CCNQ: variants seen among roughly 807,000 people sequenced by gnomAD.
CCNQ encodes the protein cyclin Q, also known as cyclin-Q.
Under a neutral mutation model 17.7 loss-of-function variants are expected in CCNQ, and 3 were observed. The observed-to-expected ratio is 0.17, with a 90% CI of 0.08 to 0.44. The LOEUF is 0.44. CCNQ is among the 20% of genes least tolerant of loss of function. The pLI is 0.99. For synonymous variants in CCNQ, 73 were observed against 96.0 expected (o/e 0.76, Z 1.40); for missense variants, 146 against 222.6 (o/e 0.66, Z 2.19).
At chrX:153,591,606 C>A (rs782580299) in intron 4 of CCNQ, among the ~76,000 whole-genome samples, 18 of 111,483 alleles carry the variant, frequency 1.6e-4, no homozygotes, top group African/African-American at 5.9e-4. Flanking sequence ...GTTTGCCCCC[C>A]CCAGAGTCCA....
chrX:153,598,539 G>A (rs1195753205), intron 1 of CCNQ, among the ~76,000 whole-genome samples: 3 of 113,490 alleles, frequency 2.6e-5, no homozygotes, highest in Non-Finnish European at 5.6e-5. Flanking sequence ...GCAGGGTTCG[G>A]AACAGGAGCT....
Position 153,588,185 on chromosome X carries a change from G to T in CCNQ, c.*180C>A, listed in dbSNP as rs782820779. 1.7e-5 allele frequency: 9 copies of T among 540,109 alleles called. No individual in the cohort carries two copies. The South Asian group carries it at 1.9e-4, about 11-fold the overall frequency. 44.5% of individuals were successfully genotyped at this position (540,109 alleles called of 1,213,427 possible). ...CGCGGCTCCCACCATCACCTGCACC[G>T]CGACTTCTAGGGACTGGCAAAGCGG... is the stretch of plus-strand genomic sequence containing the variant. On this transcript the variant is annotated 3_prime_UTR_variant, in exon 5 of 5. Coordinates refer to ENST00000576892, the MANE Select transcript of CCNQ (RefSeq NM_152274.5).
At chrX:153,598,597 C>G (rs1212544564) in intron 1 of CCNQ, among the ~76,000 whole-genome samples, 1 of 113,221 alleles carries the variant, frequency 8.8e-6, no homozygotes, top group Non-Finnish European at 1.9e-5. Context: ...GGACAGCGTT[C>G]TCCAAAAGGC....
At chrX:153,594,122 T>C (rs1311729510) in intron 3 of CCNQ, among the ~76,000 whole-genome samples, 1 of 113,067 alleles carries the variant, frequency 8.8e-6, no homozygotes, top group African/African-American at 3.2e-5. Flanking sequence ...GCTTTCCCCA[T>C]GGCTTCCTAA....
At chrX:153,594,469 T>C (rs1557026483) in intron 3 of CCNQ, 78 bp downstream of exon 3, 1 of 1,120,409 alleles carries the variant, frequency 8.9e-7, no homozygotes, top group Non-Finnish European at 1.2e-6. Context: ...GAGTATGAGA[T>C]GGGATGCACT....
In CCNQ at chrX:153,588,157, A is replaced by G; in HGVS notation, c.*208T>C. On this transcript the variant is annotated 3_prime_UTR_variant, in exon 5 of 5. Transcript: ENST00000576892. ...AGTACACTCCCGGCCTGCCCGCTGG[A>G]GGCGCGGCTCCCACCATCACCTGCA... is the stretch of plus-strand genomic sequence containing the variant. The G allele has an allele frequency of 1.9e-6, 1 of 521,999 alleles. No individual in the cohort carries two copies. The highest frequency in any genetic ancestry group is 3.6e-5 in the East Asian group (1 of 27,569). 43.0% of individuals were successfully genotyped at this position (521,999 alleles called of 1,213,427 possible).
At chrX:153,591,781 G>C (rs58937193) in intron 4 of CCNQ, among the ~76,000 whole-genome samples, 9,038 of 109,662 alleles carry the variant, frequency 0.082, 431 homozygotes, top group African/African-American at 0.18. Context: ...AAAGACACAT[G>C]AGCACCCGCT....
rs1476308542 is a variant in CCNQ at position 153,599,087 on chromosome X, ACCGGCGGAAGGAGAGGCGGCC to A, written c.-35_-15del. The stretch of plus-strand genomic sequence containing the variant: ...CGGGGCTTCCATGAGGCGCCGCGGC[ACCGGCGGAAGGAGAGGCGGCC>A]CCGGCGCGCAGAAGCCGGCAGAACT... On this transcript the variant is annotated 5_prime_UTR_variant, in exon 1 of 5. Transcript: ENST00000576892. The A allele has an allele frequency of 1.1e-4, 109 of 953,399 alleles. No homozygotes were observed. Among genetic ancestry groups the A allele is most frequent in the South Asian group, 7.3e-4 (25 of 34,367 alleles). The allele number at this position is 953,399 out of a possible 1,213,427, so 78.6% of individuals were successfully genotyped here.
chrX:153,594,304 G>A (rs186248639), intron 3 of CCNQ, among the ~76,000 whole-genome samples: 18 of 112,806 alleles, frequency 1.6e-4, no homozygotes, highest in African/African-American at 4.8e-4. Context: ...GCCCACAGGT[G>A]AGCAGGCAGA....
intron 4 of CCNQ, among the ~76,000 whole-genome samples, chrX:153,588,690 AGAG>A (rs1176291747): frequency 1.8e-5 from 2 of 112,530 alleles, no homozygotes; most frequent in Non-Finnish European, 3.8e-5. Flanking sequence ...TCTGACTCAG[AGAG>A]GAGGGGACCT....
At chrX:153,594,870 A>G (rs1557026663) in intron 2 of CCNQ, among the ~76,000 whole-genome samples, 191 bp from the exon 3 acceptor site, 2 of 112,624 alleles carry the variant, frequency 1.8e-5, no homozygotes, top group Non-Finnish European at 3.7e-5. Flanking sequence ...GAATGAAAAC[A>G]GTAACCAACA....
rs782504277 is a variant in CCNQ at position 153,592,746 on chromosome X, G to C, written c.430-13C>G. On this transcript the variant is annotated splice_polypyrimidine_tract_variant and intron_variant, in intron 3 of 4. Transcript: ENST00000576892. ...AGTGGAGCAGGTACTGCAAAGACAC[G>C]TGTGTCAGCCTTTAGGCCCACCAGC... 8.4e-6 allele frequency: 10 copies of C among 1,191,811 alleles called. No individual in the cohort carries two copies. The Admixed American group carries it at 1.8e-4, about 21-fold the overall frequency.
intron 4 of CCNQ, among the ~76,000 whole-genome samples, chrX:153,591,865 G>A (rs533657588): frequency 5.6e-4 from 60 of 108,015 alleles, no homozygotes; most frequent in South Asian, 2.9e-3. Flanking sequence ...CTGGGGATAC[G>A]AGATTACACA....
At chrX:153,591,467 G>A (rs1313734854) in intron 4 of CCNQ, among the ~76,000 whole-genome samples, 7 of 111,960 alleles carry the variant, frequency 6.3e-5, no homozygotes, top group Non-Finnish European at 1.1e-4. Flanking sequence ...AGCATGGGAC[G>A]CAGGTGGTAC....
chrX:153,588,294 C>T lies in CCNQ; in HGVS notation c.*71G>A, dbSNP rs782597779. The T allele has an allele frequency of 2.5e-5, 22 of 883,684 alleles. No individual in the cohort carries two copies. In the South Asian group the frequency reaches 3.2e-4, roughly 13 times the overall value. 72.8% of individuals were successfully genotyped at this position (883,684 alleles called of 1,213,427 possible). The stretch of plus-strand genomic sequence containing the variant: ...GTCCTGTGGGGACCAGCCGTCATGG[C>T]GACGTGGTGACAATGTCCCCAGGCA... On this transcript the variant is annotated 3_prime_UTR_variant, in exon 5 of 5. Coordinates refer to ENST00000576892, the MANE Select transcript of CCNQ (RefSeq NM_152274.5).
chrX:153,590,919 G>A (rs2090986874), intron 4 of CCNQ, among the ~76,000 whole-genome samples: 1 of 111,857 alleles, frequency 8.9e-6, no homozygotes, highest in South Asian at 3.7e-4. Flanking sequence ...GGACGTGGAA[G>A]TTTCAGCAGC....
Position 153,594,638 on chromosome X carries a change from C to A in CCNQ, c.338G>T (p.Arg113Leu). ...PSGEPLELDS[R>L]FWELRDSIVQ... ...GATGCTGTCCCGGAGTTCCCAGAAG[C>A]GGGAGTCCAATTCCAGGGGCTCACC... Residue 113 changes from arginine to leucine, a missense_variant, in exon 3 of 5, where the codon CGC becomes CTC. By Grantham distance (102) the Arg-to-Leu change is moderately radical. Coordinates refer to ENST00000576892, the MANE Select transcript of CCNQ (RefSeq NM_152274.5). 8.3e-7 allele frequency: 1 copy of A among 1,211,516 alleles called. No homozygotes were observed. Among genetic ancestry groups the A allele is most frequent in the Non-Finnish European group, 1.1e-6 (1 of 895,271 alleles).
At chrX:153,589,165 G>A (rs1280490812) in intron 4 of CCNQ, among the ~76,000 whole-genome samples, 1 of 112,867 alleles carries the variant, frequency 8.9e-6, no homozygotes, top group Non-Finnish European at 1.9e-5. Flanking sequence ...TATGGTGAGG[G>A]CCTTGGGCCA....
At position 153,592,556 on chromosome X, in the gene CCNQ, AG is replaced by A; in HGVS notation, c.606del (p.Tyr203ThrfsTer143). 8.3e-7 allele frequency: 1 copy of A among 1,211,262 alleles called. No homozygotes were observed. Among genetic ancestry groups the A allele is most frequent in the Non-Finnish European group, 1.1e-6 (1 of 895,372 alleles). ...ACCTCGGCGGGCACCTCAACTCCGT[AG>A]ACCTGCAGGGCCAGGTAGAGCACCG... Reference protein sequence around the residue: ...AVAVLYLALQVYGVEVPAEVE... With the variant: ...AVAVLYLALQXYGVEVPAEVE... On this transcript the variant is annotated frameshift_variant, in exon 4 of 5. Coordinates refer to ENST00000576892, the MANE Select transcript of CCNQ (RefSeq NM_152274.5). LOFTEE classifies it high-confidence loss of function.
Sources: gnomAD v4.1 joint callset for allele counts (sites outside exome capture counted in the v4.1 genomes callset) on GRCh38, gnomAD v4.1.1 for gene constraint, MANE v1.5 for transcripts, NCBI Gene and HGNC (gene_info 2026-07-23, HGNC 2026-07-21) for gene names.